Variants in NCKAP5 observed in about 807,000 individuals in gnomAD.
The protein encoded by NCKAP5 is nck-associated protein 5.
Under a neutral mutation model 167.0 loss-of-function variants are expected in NCKAP5, and 92 were observed. The ratio of observed to expected loss-of-function variants is 0.55; its 90% CI spans 0.47 to 0.66. The LOEUF (loss-of-function observed/expected upper bound fraction) is 0.66, where lower values mean the gene tolerates loss of function less well. Among genes scored for constraint, NCKAP5 ranks in the 30% least tolerant of loss-of-function variants. The pLI is 0.00. For synonymous variants in NCKAP5, 891 were observed against 877.4 expected (o/e 1.02, Z -0.27); for missense variants, 2,378 against 2,315.0 (o/e 1.03, Z -0.56).
rs188518760 is a variant in NCKAP5, at chr2:132,917,430, C to T, written c.580-38514G>A. On this transcript the variant is annotated intron_variant, in intron 8 of 19. Transcript: ENST00000409261. ...TGATAGTTCATAGCCCTTATTTAAC[C>T]GCCAGGATTGGTAATTTTCATTTTG... Among the ~76,000 whole-genome samples, 511 of 152,184 alleles carry T rather than the reference C, an allele frequency of 3.4e-3. 1 individual carries two copies. Among genetic ancestry groups the T allele is most frequent in the African/African-American group, 8.9e-3 (370 of 41,530 alleles).
intron 11 of NCKAP5, among the ~76,000 whole-genome samples, chr2:132,810,298 T>C (rs1685765308): frequency 6.6e-6 from 1 of 152,220 alleles, no homozygotes; most frequent in African/African-American, 2.4e-5. Context: ...TTTGTGCTTC[T>C]TGTATTTGGA....
intron 11 of NCKAP5, among the ~76,000 whole-genome samples, chr2:132,817,782 T>C: frequency 6.6e-6 from 1 of 152,088 alleles, no homozygotes; most frequent in East Asian, 1.9e-4. Context: ...CAACTGACCA[T>C]ACAATGGCCA....
At chr2:133,263,850 A>C (rs1202319493) in intron 4 of NCKAP5, among the ~76,000 whole-genome samples, 1 of 152,170 alleles carries the variant, frequency 6.6e-6, no homozygotes, top group Admixed American at 6.5e-5. Context: ...TTTATATTCT[A>C]AGTACAGAAA....
At chr2:133,495,835 G>A (rs1327770852) in intron 3 of NCKAP5, among the ~76,000 whole-genome samples, 1 of 152,146 alleles carries the variant, frequency 6.6e-6, no homozygotes, top group Non-Finnish European at 1.5e-5. Context: ...TTTCCTTGCT[G>A]GTTACTCTCA....
chr2:133,426,138 T>C (rs1458880540), intron 3 of NCKAP5, among the ~76,000 whole-genome samples: 5 of 151,784 alleles, frequency 3.3e-5, no homozygotes, highest in Admixed American at 6.6e-5. Flanking sequence ...GACGTGGTGG[T>C]GCGTGCCTGT....
intron 6 of NCKAP5, among the ~76,000 whole-genome samples, chr2:133,082,523 C>T (rs1174027469): frequency 6.6e-6 from 1 of 152,130 alleles, no homozygotes; most frequent in African/African-American, 2.4e-5. Context: ...TCCATCTCAT[C>T]CTGACCTGGG....
rs369727918 is a variant in NCKAP5 at position 132,749,814 on chromosome 2, G to C, written c.5129-17763C>G. Among the ~76,000 whole-genome samples, 264 of 152,290 alleles carry C rather than the reference G, an allele frequency of 1.7e-3. 2 individuals carry two copies. Among genetic ancestry groups the C allele is most frequent in the African/African-American group, 6.0e-3 (251 of 41,568 alleles). On this transcript the variant is annotated intron_variant, in intron 16 of 19. Coordinates refer to ENST00000409261, the MANE Select transcript of NCKAP5 (RefSeq NM_207363.3). ...TTCAACTAGAGTTCTGATAGGAACG[G>C]AAATGGTTAACTGGCTGGCAGATGA...
intron 11 of NCKAP5, among the ~76,000 whole-genome samples, chr2:132,818,350 T>A (rs930909900): frequency 6.6e-6 from 1 of 152,212 alleles, no homozygotes; most frequent in African/African-American, 2.4e-5. Flanking sequence ...ATAATGCAGA[T>A]TCTCAGGAGT....
intron 6 of NCKAP5, among the ~76,000 whole-genome samples, chr2:133,009,382 G>C (rs115998205): frequency 0.033 from 5,075 of 152,082 alleles, 232 homozygotes; most frequent in African/African-American, 0.11. Flanking sequence ...TTGGTTAACT[G>C]TTTATCTTGT....
intron 6 of NCKAP5, among the ~76,000 whole-genome samples, chr2:133,048,973 G>A (rs1019519570): frequency 6.6e-6 from 1 of 152,086 alleles, no homozygotes; most frequent in African/African-American, 2.4e-5. Context: ...CTCTTTTCTG[G>A]ATGTTGAATT....
intron 5 of NCKAP5, among the ~76,000 whole-genome samples, chr2:133,160,111 T>G (rs1335188300): frequency 6.6e-6 from 1 of 152,182 alleles, no homozygotes; most frequent in Non-Finnish European, 1.5e-5. Flanking sequence ...TAACACAAAC[T>G]GGGTGACATA....
intron 4 of NCKAP5, among the ~76,000 whole-genome samples, chr2:133,226,227 C>T (rs772398556): frequency 1.3e-5 from 2 of 152,070 alleles, no homozygotes; most frequent in African/African-American, 2.4e-5. Flanking sequence ...AGGCATAAGC[C>T]GCCACACCGG....
intron 11 of NCKAP5, among the ~76,000 whole-genome samples, chr2:132,814,803 G>A (rs1431127547): frequency 6.6e-6 from 1 of 152,180 alleles, no homozygotes; most frequent in Non-Finnish European, 1.5e-5. Flanking sequence ...GAAGTTACAA[G>A]TGCATCAGAA....
the NCKAP5 span, among the ~76,000 whole-genome samples, chr2:133,671,121 A>G: frequency 3.5e-5 from 5 of 143,812 alleles, no homozygotes; most frequent in Non-Finnish European, 7.5e-5. Context: ...AGGCTGAGGC[A>G]GGGGAATGGC....
At chr2:133,513,672 C>CT (rs900961430) in intron 3 of NCKAP5, among the ~76,000 whole-genome samples, 4 of 152,086 alleles carry the variant, frequency 2.6e-5, no homozygotes, top group African/African-American at 9.7e-5. Flanking sequence ...TGTGCACGTC[C>CT]TTTTTTTCCT....
rs16857327 is a variant in NCKAP5, at chr2:133,148,014, T to C, written c.208-17903A>G. 4.7e-3 allele frequency among the ~76,000 whole-genome samples: 712 copies of C among 152,226 alleles called. 8 individuals are homozygous for C. The highest frequency in any genetic ancestry group is 0.016 in the African/African-American group (671 of 41,538). On this transcript the variant is annotated intron_variant, in intron 5 of 19. Coordinates refer to ENST00000409261, the MANE Select transcript of NCKAP5 (RefSeq NM_207363.3). ...AAGCTTTTAAAAATAAATTTGCAAA[T>C]GTAATTGAGCCTCTAATAGCTGCTA... is the stretch of plus-strand genomic sequence containing the variant.
At chr2:133,357,141 G>A (rs1684786615) in intron 3 of NCKAP5, among the ~76,000 whole-genome samples, 1 of 152,066 alleles carries the variant, frequency 6.6e-6, no homozygotes, top group South Asian at 2.1e-4. Context: ...ATTACCTAGT[G>A]GGCCCTCAAA....
At chr2:133,071,552 G>A (rs930405875) in intron 6 of NCKAP5, among the ~76,000 whole-genome samples, 2 of 152,224 alleles carry the variant, frequency 1.3e-5, no homozygotes, top group African/African-American at 4.8e-5. Context: ...ATTCTTGCTA[G>A]TCAAATTCCA....
intron 3 of NCKAP5, among the ~76,000 whole-genome samples, chr2:133,320,447 G>T (rs1377550920): frequency 2.0e-5 from 3 of 152,118 alleles, no homozygotes; most frequent in African/African-American, 7.2e-5. Context: ...TTAGGCCCTT[G>T]GCTGGGTGCG....
Sources: gnomAD v4.1 joint callset for allele counts (sites outside exome capture counted in the v4.1 genomes callset) on GRCh38, gnomAD v4.1.1 for gene constraint, MANE v1.5 for transcripts, NCBI Gene and HGNC (gene_info 2026-07-23, HGNC 2026-07-21) for gene names.